CXCR1: variants seen among roughly 807,000 people sequenced by gnomAD.
The protein encoded by CXCR1 is C-X-C chemokine receptor type 1.
For missense variants in CXCR1, 419 were observed against 440.5 expected (o/e 0.95, Z 0.44); for synonymous variants, 180 against 184.7 (o/e 0.97, Z 0.21).
Position 218,163,981 on chromosome 2 carries a change from G to A in CXCR1, c.*178C>T. 1.4e-6 allele frequency: 1 copy of A among 706,738 alleles called. No homozygotes were observed. Among genetic ancestry groups the A allele is most frequent in the Admixed American group, 2.2e-5 (1 of 44,760 alleles). The allele number at this position is 706,738 out of a possible 1,614,324, so 43.8% of individuals were successfully genotyped here. On this transcript the variant is annotated 3_prime_UTR_variant, in exon 2 of 2. Coordinates refer to ENST00000295683, the MANE Select transcript of CXCR1 (RefSeq NM_000634.3). ...GCCGGTCCTTGGAGGTACCTCAACA[G>A]CTCCTCAGAAGGTTGGTGTGGCCCC...
In CXCR1 at chr2:218,164,045, G is replaced by T; in HGVS notation, c.*114C>A. The T allele has an allele frequency of 7.8e-7, 1 of 1,288,416 alleles. No individual in the cohort carries two copies. Among genetic ancestry groups the T allele is most frequent in the Non-Finnish European group, 1.1e-6 (1 of 911,378 alleles). The allele number at this position is 1,288,416 out of a possible 1,614,324, so 79.8% of individuals were successfully genotyped here. ...TCCTAACTTCCCCACATCCTATAGCGTCCCCCCAAAACCCAGATAGTGCCT... is the reference window on the plus strand; with the variant it reads ...TCCTAACTTCCCCACATCCTATAGCTTCCCCCCAAAACCCAGATAGTGCCT... On this transcript the variant is annotated 3_prime_UTR_variant, in exon 2 of 2. Transcript: ENST00000295683.
chr2:218,164,788 C>T lies in CXCR1; in HGVS notation c.424G>A (p.Ala142Thr). 6.2e-7 allele frequency: 1 copy of T among 1,614,246 alleles called. No individual in the cohort carries two copies. The highest frequency in any genetic ancestry group is 8.5e-7 in the Non-Finnish European group (1 of 1,180,046). ...SVDRYLAIVHATRTLTQKRHL... is the reference protein window; with the variant it reads ...SVDRYLAIVHTTRTLTQKRHL... ...CGCTTCTGGGTCAGTGTGCGTGTGG[C>T]ATGGACAATGGCCAGGTAACGGTCC... is the stretch of plus-strand genomic sequence containing the variant. The change falls in exon 2 of 2, where the codon GCC (alanine) becomes ACC (threonine). Residue 142 changes from alanine (A) to threonine (T), a missense_variant. Coordinates refer to ENST00000295683, the MANE Select transcript of CXCR1 (RefSeq NM_000634.3).
In CXCR1 at chr2:218,163,133, T is replaced by C. The variant is rs905286409; in HGVS notation, c.*1026A>G. 1 of 152,360 alleles carries C rather than the reference T, an allele frequency of 6.6e-6. No homozygotes were observed. Among genetic ancestry groups the C allele is most frequent in the Non-Finnish European group, 1.5e-5 (1 of 68,088 alleles). The allele number at this position is 152,360 out of a possible 1,614,324, so 9.4% of individuals were successfully genotyped here. On this transcript the variant is annotated 3_prime_UTR_variant, in exon 2 of 2. Transcript: ENST00000295683. ...CAAAGGGATCTTCCTTGGCCAGGGG[T>C]ATGGGCATGAACAGGAGTTTCTGTG...
Position 218,164,051 on chromosome 2 carries a change from C to A in CXCR1, c.*108G>T, listed in dbSNP as rs1333374355. On this transcript the variant is annotated 3_prime_UTR_variant, in exon 2 of 2. Coordinates refer to ENST00000295683, the MANE Select transcript of CXCR1 (RefSeq NM_000634.3). ...CTTCCCCACATCCTATAGCGTCCCC[C>A]CAAAACCCAGATAGTGCCTGTCCAG... The A allele has an allele frequency of 2.1e-6, 3 of 1,403,552 alleles. No homozygotes were observed. Among genetic ancestry groups the A allele is most frequent in the East Asian group, 2.3e-5 (1 of 43,138 alleles). 86.9% of individuals were successfully genotyped at this position (1,403,552 alleles called of 1,614,324 possible).
rs757949068 is a variant in CXCR1 at position 218,164,817 on chromosome 2, C to G, written c.395G>C (p.Ser132Thr). 2.5e-6 allele frequency: 4 copies of G among 1,614,248 alleles called. No homozygotes were observed. In the Admixed American group the frequency reaches 5.0e-5, roughly 20 times the overall value. The change falls in exon 2 of 2, where the codon AGT becomes ACT. Residue 132 changes from serine (S) to threonine (T), a missense_variant. Coordinates refer to ENST00000295683, the MANE Select transcript of CXCR1 (RefSeq NM_000634.3). The stretch of plus-strand genomic sequence containing the variant: ...GACAATGGCCAGGTAACGGTCCACA[C>G]TGATGCAGGCCAACAGCAGGATGCC... Reference protein sequence around the residue: ...YSGILLLACISVDRYLAIVHA... With the variant: ...YSGILLLACITVDRYLAIVHA...
rs774941654 is a variant in CXCR1, at chr2:218,164,409, A to T, written c.803T>A (p.Met268Lys). The change falls in exon 2 of 2, where the codon ATG becomes AAG. Residue 268 changes from methionine to lysine, a missense_variant. By Grantham distance (95) the Met-to-Lys change is moderately conservative. Transcript: ENST00000295683. The part of the protein sequence containing the change: ...YNLVLLADTL[M>K]RTQVIQESCE... ...GCTCTCCTGGATCACCTGGGTCCTCATGAGGGTGTCTGCCAGCAGGACCAG... is the reference window on the plus strand; with the variant it reads ...GCTCTCCTGGATCACCTGGGTCCTCTTGAGGGTGTCTGCCAGCAGGACCAG... The T allele has an allele frequency of 3.7e-6, 6 of 1,613,976 alleles. No homozygotes were observed. In the Admixed American group the frequency reaches 1.0e-4, roughly 27 times the overall value.
rs753562642 is a variant in CXCR1 at position 218,164,742 on chromosome 2, C to A, written c.470G>T (p.Cys157Phe). The part of the protein sequence containing the change: ...TQKRHLVKFV[C>F]LGCWGLSMNL... ...CATAGACAGTCCCCAGCAGCCAAGA[C>A]AAACAAACTTGACCAAGTGACGCTT... Residue 157 changes from cysteine (C) to phenylalanine (F), a missense_variant, in exon 2 of 2, where the codon TGT becomes TTT. Coordinates refer to ENST00000295683, the MANE Select transcript of CXCR1 (RefSeq NM_000634.3). 1 of 1,614,102 alleles carries A rather than the reference C, an allele frequency of 6.2e-7. No homozygotes were observed. The highest frequency in any genetic ancestry group is 1.1e-5 in the South Asian group (1 of 91,090).
At chr2:218,165,333 C>T (rs1691265867) in intron 1 of CXCR1, 89 bp from the exon 2 acceptor site, 4 of 992,094 alleles carry the variant, frequency 4.0e-6, no homozygotes, top group South Asian at 2.7e-5. Flanking sequence ...CTGGGATATC[C>T]TTGGCTTCCC....
rs1211210051 is a variant in CXCR1 at position 218,165,038 on chromosome 2, G to A, written c.174C>T (p.Ser58=). ...LVFLLSLLGN[S]LVMLVILYSR... ...TGTATAAGATGACCAGCATCACCAG[G>A]GAGTTTCCCAGCAGGCTCAGCAGGA... The change falls in exon 2 of 2, where the codon TCC becomes TCT. Residue 58 remains serine, a synonymous_variant. Transcript: ENST00000295683. 1 of 1,614,106 alleles carries A rather than the reference G, an allele frequency of 6.2e-7. No homozygotes were observed. Among genetic ancestry groups the A allele is most frequent in the Non-Finnish European group, 8.5e-7 (1 of 1,180,046 alleles).
rs1691215403 is a variant in CXCR1, at chr2:218,163,002, T to C, written c.*1157A>G. On this transcript the variant is annotated 3_prime_UTR_variant, in exon 2 of 2. Transcript: ENST00000295683. ...TTGGGGAGGGACTGGTGAGCTCACA[T>C]AGCTTGAGGCAGGGCTATGCCTAGG... 1 of 152,396 alleles carries C rather than the reference T, an allele frequency of 6.6e-6. No homozygotes were observed. Among genetic ancestry groups the C allele is most frequent in the Non-Finnish European group, 1.5e-5 (1 of 68,086 alleles). 9.4% of individuals were successfully genotyped at this position (152,396 alleles called of 1,614,324 possible).
At position 218,165,304 on chromosome 2, in the gene CXCR1, A is replaced by G. The variant is rs967988087; in HGVS notation, c.-33-60T>C. The stretch of plus-strand genomic sequence containing the variant: ...AGCTCGGATTCAAGGCATTCTCATC[A>G]ATGATGTGAGAGCAGTTACTGGGAT... On this transcript the variant is annotated intron_variant, in intron 1 of 1. Coordinates refer to ENST00000295683, the MANE Select transcript of CXCR1 (RefSeq NM_000634.3). 2.4e-6 allele frequency: 3 copies of G among 1,264,106 alleles called. No individual in the cohort carries two copies. The East Asian group carries it at 7.0e-5, about 29-fold the overall frequency. 78.3% of individuals were successfully genotyped at this position (1,264,106 alleles called of 1,614,324 possible).
chr2:218,166,058 C>A (rs1239884995), intron 1 of CXCR1, among the ~76,000 whole-genome samples: 3 of 152,142 alleles, frequency 2.0e-5, no homozygotes, highest in African/African-American at 7.2e-5. Flanking sequence ...AAGAGCCCCT[C>A]AAAGCTCCAG....
At chr2:218,165,958 G>A (rs1691277901) in intron 1 of CXCR1, among the ~76,000 whole-genome samples, 1 of 152,138 alleles carries the variant, frequency 6.6e-6, no homozygotes, top group Non-Finnish European at 1.5e-5. Flanking sequence ...ACTGAAATAA[G>A]ATCTTCCCAG....
Position 218,164,944 on chromosome 2 carries a change from G to A in CXCR1, c.268C>T (p.Leu90=), listed in dbSNP as rs1025632169. The part of the protein sequence containing the change: ...NLALADLLFA[L]TLPIWAASKV... ...GAGGCGGCCCAGATGGGCAAGGTCAGGGCAAAGAGTAGGTCGGCCAAGGCC... is the reference window on the plus strand; with the variant it reads ...GAGGCGGCCCAGATGGGCAAGGTCAAGGCAAAGAGTAGGTCGGCCAAGGCC... The change falls in exon 2 of 2, where the codon CTG becomes TTG. Residue 90 remains leucine (L), a synonymous_variant. Coordinates refer to ENST00000295683, the MANE Select transcript of CXCR1 (RefSeq NM_000634.3). 4.3e-6 allele frequency: 7 copies of A among 1,614,134 alleles called. No individual in the cohort carries two copies. In the African/African-American group the frequency reaches 5.3e-5, roughly 12 times the overall value.
rs552902470 is a variant in CXCR1 at position 218,164,275 on chromosome 2, G to A, written c.937C>T (p.Arg313Cys). 3.8e-5 allele frequency: 61 copies of A among 1,612,248 alleles called. No homozygotes were observed. The highest frequency in any genetic ancestry group is 3.1e-4 in the South Asian group (28 of 91,076). Reference protein sequence around the residue: ...IIYAFIGQNFRHGFLKILAMH... With the variant: ...IIYAFIGQNFCHGFLKILAMH... ...GCCAGGATCTTGAGGAATCCATGGC[G>A]AAAATTTTGGCCGATGAAGGCGTAG... The change falls in exon 2 of 2, where the codon CGC becomes TGC. Residue 313 changes from arginine (R) to cysteine (C), a missense_variant. Coordinates refer to ENST00000295683, the MANE Select transcript of CXCR1 (RefSeq NM_000634.3).
intron 1 of CXCR1, among the ~76,000 whole-genome samples, chr2:218,166,052 G>GC (rs1464142812): frequency 6.6e-6 from 1 of 152,124 alleles, no homozygotes; most frequent in Non-Finnish European, 1.5e-5. Flanking sequence ...CCCCTAAAGA[G>GC]CCCCTCAAAG....
chr2:218,164,355 G>T lies in CXCR1; in HGVS notation c.857C>A (p.Ala286Asp). 2 of 1,612,824 alleles carry T rather than the reference G, an allele frequency of 1.2e-6. No homozygotes were observed. The highest frequency in any genetic ancestry group is 1.7e-6 in the Non-Finnish European group (2 of 1,178,994). The change falls in exon 2 of 2, where the codon GCC (alanine) becomes GAC (aspartate). Residue 286 changes from alanine (A) to aspartate (D), a missense_variant. Physicochemically the swap from Ala to Asp is moderately radical, Grantham distance 126. Coordinates refer to ENST00000295683, the MANE Select transcript of CXCR1 (RefSeq NM_000634.3). ...SCERRNNIGR[A>D]LDATEILGFL... ...TCCCAGAATCTCAGTGGCATCCAGGGCCCGGCCGATGTTGTTGCGGCGCTC... is the reference window on the plus strand; with the variant it reads ...TCCCAGAATCTCAGTGGCATCCAGGTCCCGGCCGATGTTGTTGCGGCGCTC...
Position 218,164,348 on chromosome 2 carries a change from A to G in CXCR1, c.864T>C (p.Asp288=), listed in dbSNP as rs1425213731. ...ERRNNIGRAL[D]ATEILGFLHS... is the part of the protein sequence containing the mutation. ...GGAGAAATCCCAGAATCTCAGTGGC[A>G]TCCAGGGCCCGGCCGATGTTGTTGC... is the stretch of plus-strand genomic sequence containing the variant. The change falls in exon 2 of 2, where the codon GAT becomes GAC. Residue 288 remains aspartate, a synonymous_variant. Coordinates refer to ENST00000295683, the MANE Select transcript of CXCR1 (RefSeq NM_000634.3). 1 of 1,612,458 alleles carries G rather than the reference A, an allele frequency of 6.2e-7. No homozygotes were observed. The highest frequency in any genetic ancestry group is 8.5e-7 in the Non-Finnish European group (1 of 1,178,742).
chr2:218,164,939 G>A lies in CXCR1; in HGVS notation c.273C>T (p.Thr91=), dbSNP rs1162711068. 1 of 1,614,146 alleles carries A rather than the reference G, an allele frequency of 6.2e-7. No homozygotes were observed. Among genetic ancestry groups the A allele is most frequent in the Admixed American group, 1.7e-5 (1 of 60,010 alleles). ...LALADLLFAL[T]LPIWAASKVN... The stretch of plus-strand genomic sequence containing the variant: ...CCTTGGAGGCGGCCCAGATGGGCAA[G>A]GTCAGGGCAAAGAGTAGGTCGGCCA... Residue 91 remains threonine, a synonymous_variant, in exon 2 of 2, where the codon ACC becomes ACT. Transcript: ENST00000295683.
Sources: allele counts gnomAD v4.1 joint callset (sites outside exome capture counted in the v4.1 genomes callset), GRCh38; gene constraint gnomAD v4.1.1; transcripts MANE v1.5; gene names NCBI Gene and HGNC (gene_info 2026-07-23, HGNC 2026-07-21).